The following LARP1 variants were observed in gnomAD, a reference collection of about 807,000 sequenced individuals.
LARP1 encodes La ribonucleoprotein 1, translational regulator.
In LARP1, 36 loss-of-function variants were observed where a neutral mutation model predicts 122.7. That is an observed-to-expected ratio of 0.29 (90% CI 0.22 to 0.39). The LOEUF is 0.39. Among genes scored for constraint, LARP1 ranks in the 10% least tolerant of loss-of-function variants. LARP1 has a pLI of 1.00. For synonymous variants in LARP1, 539 were observed against 528.7 expected (o/e 1.02, Z -0.27); for missense variants, 1,040 against 1,403.6 (o/e 0.74, Z 4.14).
chr5:154,803,628 A>T lies in LARP1; in HGVS notation c.2322A>T (p.Ser774=). 6.2e-7 allele frequency: 1 copy of T among 1,614,176 alleles called. No individual in the cohort carries two copies. Among genetic ancestry groups the T allele is most frequent in the East Asian group, 2.2e-5 (1 of 44,870 alleles). The change falls in exon 13 of 19, where the codon TCA becomes TCT. Residue 774 remains serine (S), a synonymous_variant. Transcript: ENST00000518297. The surrounding 1 kb of genome is among the most constrained non-coding windows in gnomAD (Gnocchi z 4.4). ...ARSLPTTVPE[S]PNYRNTRTPR... The stretch of plus-strand genomic sequence containing the variant: ...CTCTACCAACCACTGTCCCAGAGTC[A>T]CCAAACTACCGCAACACCAGGACCC...
chr5:154,762,806 T>G (rs906644906), intron 1 of LARP1, among the ~76,000 whole-genome samples: 1 of 152,218 alleles, frequency 6.6e-6, no homozygotes, highest in African/African-American at 2.4e-5. Flanking sequence ...AGTTGCCTTT[T>G]TCTTTGCCTT....
chr5:154,698,334 C>T (rs933385635), intron 1 of LARP1, among the ~76,000 whole-genome samples: 4 of 152,152 alleles, frequency 2.6e-5, no homozygotes, highest in Admixed American at 6.5e-5. Flanking sequence ...CTGTGGCTCA[C>T]GCCTGTAATC....
chr5:154,696,604 A>T (rs921106760), intron 1 of LARP1, among the ~76,000 whole-genome samples: 2 of 152,180 alleles, frequency 1.3e-5, no homozygotes, highest in African/African-American at 2.4e-5. Context: ...GTCTCATTTT[A>T]CCCCTGAGAA....
intron 1 of LARP1, among the ~76,000 whole-genome samples, chr5:154,713,305 C>T (rs1489326245): frequency 6.6e-6 from 1 of 152,228 alleles, no homozygotes; most frequent in African/African-American, 2.4e-5. Flanking sequence ...ATGAGGAGCT[C>T]AAATTCCACT....
intron 1 of LARP1, among the ~76,000 whole-genome samples, chr5:154,737,191 C>T (rs2113438079): frequency 6.6e-6 from 1 of 152,010 alleles, no homozygotes; most frequent in Non-Finnish European, 1.5e-5. Flanking sequence ...CAGGCGTGCA[C>T]CACCACACCG....
chr5:154,758,488 T>G (rs1438185982), intron 1 of LARP1, among the ~76,000 whole-genome samples: 1 of 152,200 alleles, frequency 6.6e-6, no homozygotes, highest in African/African-American at 2.4e-5. Flanking sequence ...TGTGTGCATT[T>G]TGAGAGAGAA....
intron 1 of LARP1, among the ~76,000 whole-genome samples, chr5:154,773,207 G>A (rs1038761412): frequency 5.3e-5 from 8 of 152,008 alleles, no homozygotes; most frequent in Non-Finnish European, 7.4e-5. Flanking sequence ...CTGTACTCAC[G>A]TATTTTGGGG....
chr5:154,758,485 AT>A, intron 1 of LARP1, among the ~76,000 whole-genome samples: 1 of 152,306 alleles, frequency 6.6e-6, no homozygotes, highest in South Asian at 2.1e-4. Flanking sequence ...GTTTGTGTGC[AT>A]TTTGAGAGAG....
chr5:154,691,795 TTCG>T (rs946688686), intron 1 of LARP1, among the ~76,000 whole-genome samples: 37 of 71,170 alleles, frequency 5.2e-4, no homozygotes, highest in African/African-American at 2.0e-3. Flanking sequence ...GCTCACCCTT[TTCG>T]TTCTTTTTTT....
At chr5:154,695,306 C>T (rs1437107867) in intron 1 of LARP1, among the ~76,000 whole-genome samples, 2 of 150,642 alleles carry the variant, frequency 1.3e-5, no homozygotes, top group East Asian at 4.0e-4. Flanking sequence ...AGTGAGACTC[C>T]GTCTCAAAAA....
At chr5:154,784,068 G>A (rs1561600061) in intron 1 of LARP1, among the ~76,000 whole-genome samples, 1 of 152,230 alleles carries the variant, frequency 6.6e-6, no homozygotes, top group Non-Finnish European at 1.5e-5. Flanking sequence ...TAGGACACTA[G>A]CAATTTCTCT....
intron 1 of LARP1, among the ~76,000 whole-genome samples, chr5:154,784,147 G>T (rs1756691886): frequency 6.6e-6 from 1 of 152,218 alleles, no homozygotes. Context: ...CACTTGACAA[G>T]CAAAGCCTCT....
chr5:154,716,232 G>A (rs1381728632), intron 1 of LARP1, among the ~76,000 whole-genome samples: 2 of 152,094 alleles, frequency 1.3e-5, no homozygotes, highest in Admixed American at 6.5e-5. Context: ...CGATTCTTGT[G>A]CCTTAACATC....
At chr5:154,722,154 G>C (rs949292876) in intron 1 of LARP1, among the ~76,000 whole-genome samples, 2 of 152,142 alleles carry the variant, frequency 1.3e-5, no homozygotes, top group African/African-American at 2.4e-5. Flanking sequence ...CTCACTGTGT[G>C]CAAGGCCAAG....
exon 1 of LARP1, chr5:154,713,099 A>T: frequency 6.2e-7 from 1 of 1,613,976 alleles, no homozygotes; most frequent in Non-Finnish European, 8.5e-7. Flanking sequence ...AGCCATTGCC[A>T]TTCCCTGTCC....
At chr5:154,716,271 C>T (rs1424496869) in intron 1 of LARP1, among the ~76,000 whole-genome samples, 1 of 152,144 alleles carries the variant, frequency 6.6e-6, no homozygotes, top group Non-Finnish European at 1.5e-5. Flanking sequence ...AGGCGCCCGC[C>T]ACCACGCCCA....
intron 1 of LARP1, among the ~76,000 whole-genome samples, chr5:154,687,124 G>A (rs906571908): frequency 2.6e-5 from 4 of 152,248 alleles, no homozygotes; most frequent in Middle Eastern, 3.4e-3. Flanking sequence ...TTCTGATTGC[G>A]GACACATAGG....
intron 1 of LARP1, among the ~76,000 whole-genome samples, chr5:154,707,181 G>A (rs1754991581): frequency 6.6e-6 from 1 of 152,162 alleles, no homozygotes; most frequent in Admixed American, 6.6e-5. Context: ...CACTTTGGGA[G>A]GCTGAGGTGG....
intron 1 of LARP1, among the ~76,000 whole-genome samples, chr5:154,772,876 G>A (rs1001621423): frequency 3.3e-5 from 5 of 151,906 alleles, no homozygotes; most frequent in African/African-American, 7.3e-5. Flanking sequence ...TAGTAGAGAC[G>A]GGGTTTTTCC....
Sources: allele counts gnomAD v4.1 joint callset (sites outside exome capture counted in the v4.1 genomes callset), GRCh38; gene constraint gnomAD v4.1.1; non-coding constraint Gnocchi (gnomAD v3.1); transcripts MANE v1.5; gene names NCBI Gene and HGNC (gene_info 2026-07-23, HGNC 2026-07-21).